Variants in VRK2 observed in about 807,000 individuals in gnomAD.
VRK2 encodes the protein serine/threonine-protein kinase VRK2.
A neutral mutation model predicts 57.6 loss-of-function variants in VRK2; 60 were observed. The observed-to-expected ratio is 1.04, with a 90% CI of 0.85 to 1.29. The LOEUF is 1.29. VRK2 is among the 50% of genes most tolerant of loss of function. VRK2 has a pLI of 0.00. For missense variants in VRK2, 705 were observed against 588.1 expected, an observed-to-expected ratio of 1.20 and a Z score of -2.06; for synonymous variants, 231 against 199.2, an observed-to-expected ratio of 1.16 and a Z score of -1.35.
chr2:57,964,278 G>T (rs1671844020), intron 1 of VRK2, among the ~76,000 whole-genome samples: 1 of 152,066 alleles, frequency 6.6e-6, no homozygotes, highest in African/African-American at 2.4e-5. Flanking sequence ...CTAGAGAAAA[G>T]AAAAATATTA....
intron 1 of VRK2, among the ~76,000 whole-genome samples, chr2:57,998,862 A>G (rs1291880738): frequency 6.6e-6 from 1 of 152,236 alleles, no homozygotes; most frequent in African/African-American, 2.4e-5. Flanking sequence ...TGCCTTTGCT[A>G]AGGATTGTCT....
intron 1 of VRK2, among the ~76,000 whole-genome samples, chr2:57,909,169 T>C (rs555502062): frequency 2.0e-5 from 3 of 152,318 alleles, no homozygotes; most frequent in African/African-American, 7.2e-5. Context: ...TCTCTAACAT[T>C]TTATTATGCC....
chr2:58,139,937 C>A, intron 11 of VRK2, 105 bp downstream of exon 11: 1 of 1,242,442 alleles, frequency 8.0e-7, no homozygotes, highest in East Asian at 2.5e-5. Context: ...TTTCTTCTTC[C>A]TTATATTTAA....
chr2:58,102,326 A>G (rs899317468), intron 7 of VRK2, among the ~76,000 whole-genome samples: 1 of 151,476 alleles, frequency 6.6e-6, no homozygotes, highest in African/African-American at 2.4e-5. Context: ...TTTTTAAAAA[A>G]TGAACCAACT....
At chr2:58,088,272 C>G (rs1300732128) in intron 5 of VRK2, 69 bp from the exon 6 acceptor site, 2 of 1,160,682 alleles carry the variant, frequency 1.7e-6, no homozygotes, top group Non-Finnish European at 2.5e-6. Flanking sequence ...TTTCTTGTTT[C>G]AAATTAAATA....
chr2:58,034,664 C>T (rs1674217237), intron 3 of VRK2, among the ~76,000 whole-genome samples: 1 of 151,926 alleles, frequency 6.6e-6, no homozygotes, highest in Admixed American at 6.6e-5. Flanking sequence ...CCCTCTGTTC[C>T]ATTCCATCAA....
rs567537770 is a variant in VRK2, at chr2:57,948,391, T to G, written c.-439+40552T>G. Reference sequence around the variant, plus strand: ...TTTGGGGGAAGGAAAGAAAGGCAAGTGCATTTAAATTTCCATTTCTGTTTA... The same window carrying G: ...TTTGGGGGAAGGAAAGAAAGGCAAGGGCATTTAAATTTCCATTTCTGTTTA... On this transcript the variant is annotated intron_variant, in intron 1 of 15. Coordinates refer to the VRK2 transcript ENST00000417641. Among the ~76,000 whole-genome samples, 5 of 152,316 alleles carry G rather than the reference T, an allele frequency of 3.3e-5. No individual in the cohort carries two copies. In the East Asian group the frequency reaches 9.6e-4, roughly 29 times the overall value.
intron 12 of VRK2, chr2:58,154,701 A>G (rs1433259495): frequency 8.4e-6 from 6 of 714,868 alleles, no homozygotes; most frequent in Admixed American, 2.0e-5. Context: ...AGATTTTCCT[A>G]TTATTTCTTT....
rs777111103 is a variant in VRK2 at position 58,159,661 on chromosome 2, A to ATGTT, written c.1496_1499dup (p.Leu500PhefsTer23). 1.2e-5 allele frequency: 19 copies of ATGTT among 1,613,104 alleles called. No individual in the cohort carries two copies. The highest frequency in any genetic ancestry group is 2.2e-5 in the East Asian group (1 of 44,866). ...TCGCATCATCATACCTGTCCTTTTGATGTTAGTATTTCTTGCTTTATTTTT... is the reference window on the plus strand; with the variant it reads ...TCGCATCATCATACCTGTCCTTTTGATGTTTGTTAGTATTTCTTGCTTTATTTTT... On this transcript the variant is annotated frameshift_variant, in exon 13 of 13. Transcript: ENST00000340157. LOFTEE classifies it high-confidence loss of function.
intron 1 of VRK2, among the ~76,000 whole-genome samples, chr2:58,014,257 T>C (rs1673507531): frequency 6.6e-6 from 1 of 152,222 alleles, no homozygotes. Flanking sequence ...AATCTGCATA[T>C]TGTGCATTGG....
intron 1 of VRK2, among the ~76,000 whole-genome samples, chr2:57,985,956 C>T (rs900105782): frequency 5.3e-5 from 8 of 151,960 alleles, no homozygotes; most frequent in Middle Eastern, 3.4e-3. Context: ...GACATAAATC[C>T]AACTAAATAT....
chr2:58,043,436 C>T (rs748108886), upstream of VRK2, among the ~76,000 whole-genome samples: 3 of 152,124 alleles, frequency 2.0e-5, no homozygotes, highest in Non-Finnish European at 2.9e-5. Context: ...ACATTTGCAA[C>T]GTTTCAGCTC....
chr2:58,067,712 A>T (rs1374403770), intron 2 of VRK2, among the ~76,000 whole-genome samples: 1 of 152,080 alleles, frequency 6.6e-6, no homozygotes, highest in Non-Finnish European at 1.5e-5. Context: ...ATCTCCATTC[A>T]TTGAAAATCC....
chr2:58,142,553 G>A (rs1351115885), intron 11 of VRK2, among the ~76,000 whole-genome samples: 1 of 151,704 alleles, frequency 6.6e-6, no homozygotes, highest in Non-Finnish European at 1.5e-5. Context: ...TAGTTCTGGG[G>A]GCTCCTGAGT....
intron 8 of VRK2, among the ~76,000 whole-genome samples, chr2:58,130,127 G>A (rs943226181): frequency 2.0e-5 from 3 of 152,114 alleles, no homozygotes; most frequent in Non-Finnish European, 4.4e-5. Context: ...GGGGTAGGGG[G>A]AAATGGCTAG....
intron 1 of VRK2, among the ~76,000 whole-genome samples, chr2:58,004,984 G>A (rs572648998): frequency 6.6e-6 from 1 of 152,206 alleles, no homozygotes; most frequent in South Asian, 2.1e-4. Flanking sequence ...TACTTCCAGG[G>A]ACCAGTTAGT....
rs1670962732 is a variant in VRK2 at position 57,937,804 on chromosome 2, A to C, written c.-439+29965A>C. Among the ~76,000 whole-genome samples, 3 of 149,524 alleles carry C rather than the reference A, an allele frequency of 2.0e-5. No individual in the cohort carries two copies. In the South Asian group the frequency reaches 6.4e-4, roughly 32 times the overall value. On this transcript the variant is annotated intron_variant, in intron 1 of 15. Transcript: ENST00000417641. The stretch of plus-strand genomic sequence containing the variant: ...TCTCTTCTGGCATTTAGAAGATGCT[A>C]TCAGCTATTATTGTTTATCTTTCTT...
At chr2:58,063,422 G>T (rs1470774821) in intron 2 of VRK2, among the ~76,000 whole-genome samples, 1 of 151,670 alleles carries the variant, frequency 6.6e-6, no homozygotes, top group Non-Finnish European at 1.5e-5. Flanking sequence ...ATTGTACTTG[G>T]GTAATGGGCA....
At chr2:57,923,098 A>C (rs947731927) in intron 1 of VRK2, among the ~76,000 whole-genome samples, 1 of 151,964 alleles carries the variant, frequency 6.6e-6, no homozygotes, top group Non-Finnish European at 1.5e-5. Context: ...TATGTGCACC[A>C]CATTTTTGTT....
Sources: allele counts gnomAD v4.1 joint callset (sites outside exome capture counted in the v4.1 genomes callset), GRCh38; gene constraint gnomAD v4.1.1; transcripts MANE v1.5; gene names NCBI Gene and HGNC (gene_info 2026-07-23, HGNC 2026-07-21).